Variants in SHISA9 observed in about 807,000 individuals in gnomAD.
SHISA9 encodes protein shisa-9.
In SHISA9, 13 loss-of-function variants were observed where a neutral mutation model predicts 38.0. The ratio of observed to expected loss-of-function variants is 0.34; its 90% CI spans 0.22 to 0.54. SHISA9 has a LOEUF of 0.54. Ranked by LOEUF, SHISA9 falls within the 20% of genes least tolerant of loss-of-function variation. SHISA9 has a pLI of 0.91. For missense variants in SHISA9, 538 were observed against 575.8 expected (o/e 0.93, Z 0.67); for synonymous variants, 275 against 242.0 (o/e 1.14, Z -1.27).
the SHISA9 span, among the ~76,000 whole-genome samples, chr16:13,465,501 C>T: frequency 6.6e-6 from 1 of 152,122 alleles, no homozygotes; most frequent in Non-Finnish European, 1.5e-5. Flanking sequence ...AAACAATACC[C>T]ATAAGGGCAT....
At chr16:13,182,811 A>G (rs2050789394) in intron 2 of SHISA9, among the ~76,000 whole-genome samples, 2 of 152,132 alleles carry the variant, frequency 1.3e-5, no homozygotes, top group South Asian at 4.1e-4. Flanking sequence ...TTAAAACAAC[A>G]ACAACAAAAA....
chr16:13,096,669 G>A (rs1293995569), intron 2 of SHISA9, among the ~76,000 whole-genome samples: 1 of 152,164 alleles, frequency 6.6e-6, no homozygotes, highest in Non-Finnish European at 1.5e-5. Context: ...TAACTTCTTG[G>A]AGTCAAGGCA....
At chr16:13,165,965 T>C (rs1596695045) in intron 2 of SHISA9, among the ~76,000 whole-genome samples, 1 of 152,180 alleles carries the variant, frequency 6.6e-6, no homozygotes, top group Non-Finnish European at 1.5e-5. Flanking sequence ...ACAGGTATTA[T>C]CAGCCCGAGT....
the SHISA9 span, among the ~76,000 whole-genome samples, chr16:13,322,157 C>A: frequency 2.2e-4 from 34 of 152,156 alleles, no homozygotes; most frequent in African/African-American, 7.7e-4. Flanking sequence ...CAGAAATGGC[C>A]TCGAAGGAGC....
At chr16:12,945,600 A>C (rs1165106836) in intron 2 of SHISA9, among the ~76,000 whole-genome samples, 2 of 152,212 alleles carry the variant, frequency 1.3e-5, no homozygotes, top group African/African-American at 2.4e-5. Context: ...CTGGGTTCAA[A>C]TTCAGACTCC....
downstream of SHISA9, among the ~76,000 whole-genome samples, chr16:13,242,237 A>G (rs1034417093): frequency 2.0e-5 from 3 of 152,182 alleles, no homozygotes; most frequent in Admixed American, 2.0e-4. Flanking sequence ...GGCTCTGTCA[A>G]TAGTTCTCAC....
chr16:13,303,880 C>T, the SHISA9 span, among the ~76,000 whole-genome samples: 1 of 152,160 alleles, frequency 6.6e-6, no homozygotes, highest in Non-Finnish European at 1.5e-5. Context: ...TCAATAAATG[C>T]ATTTCCCTTC....
At chr16:12,998,599 G>C (rs953772325) in intron 2 of SHISA9, among the ~76,000 whole-genome samples, 1 of 152,100 alleles carries the variant, frequency 6.6e-6, no homozygotes, top group African/African-American at 2.4e-5. Flanking sequence ...GTGCGATCGT[G>C]GCTCATGGAA....
the SHISA9 span, among the ~76,000 whole-genome samples, chr16:13,401,534 G>A: frequency 7.0e-3 from 1,063 of 152,346 alleles, 5 homozygotes; most frequent in Non-Finnish European, 0.011. Context: ...GTGAGGAAGT[G>A]ATAAAGATTA....
At chr16:13,327,345 G>A in the SHISA9 span, among the ~76,000 whole-genome samples, 1 of 152,094 alleles carries the variant, frequency 6.6e-6, no homozygotes, top group African/African-American at 2.4e-5. Flanking sequence ...GCCACGTGCG[G>A]TGTCTCATGC....
chr16:13,452,274 T>C, the SHISA9 span, among the ~76,000 whole-genome samples: 1 of 152,212 alleles, frequency 6.6e-6, no homozygotes, highest in Non-Finnish European at 1.5e-5. Context: ...TAAAATAACA[T>C]GAATTAAGTA....
intron 1 of SHISA9, among the ~76,000 whole-genome samples, chr16:12,904,038 TTGC>T (rs1411277426): frequency 6.6e-6 from 1 of 152,112 alleles, no homozygotes; most frequent in African/African-American, 2.4e-5. Flanking sequence ...TGGTGGGGTC[TTGC>T]TGCACAGAAG....
At chr16:13,365,666 C>T in the SHISA9 span, among the ~76,000 whole-genome samples, 1 of 152,006 alleles carries the variant, frequency 6.6e-6, no homozygotes, top group Non-Finnish European at 1.5e-5. Context: ...ACTATGTTGG[C>T]CAGGCTGGTC....
At chr16:13,230,928 A>C (rs1013476263) in intron 4 of SHISA9, among the ~76,000 whole-genome samples, 1 of 152,116 alleles carries the variant, frequency 6.6e-6, no homozygotes, top group Non-Finnish European at 1.5e-5. Context: ...GGATGACCAG[A>C]GGTTACTCTC....
At chr16:13,023,627 C>T (rs1258941958) in intron 2 of SHISA9, among the ~76,000 whole-genome samples, 1 of 152,236 alleles carries the variant, frequency 6.6e-6, no homozygotes, top group Non-Finnish European at 1.5e-5. Flanking sequence ...CTAATTTACA[C>T]TCCCATCAAC....
At chr16:13,335,978 T>C in the SHISA9 span, among the ~76,000 whole-genome samples, 1 of 152,252 alleles carries the variant, frequency 6.6e-6, no homozygotes, top group Non-Finnish European at 1.5e-5. Context: ...AAAGATCATG[T>C]GCCGCCTGAC....
the SHISA9 span, among the ~76,000 whole-genome samples, chr16:13,368,903 A>G: frequency 6.6e-6 from 1 of 152,322 alleles, no homozygotes; most frequent in South Asian, 2.1e-4. Flanking sequence ...TACATGTGGT[A>G]TATCATAAAA....
the SHISA9 span, among the ~76,000 whole-genome samples, chr16:13,408,617 C>T: frequency 6.6e-6 from 1 of 152,244 alleles, no homozygotes; most frequent in African/African-American, 2.4e-5. Context: ...TTTATGATTG[C>T]CATCAAACTT....
the SHISA9 span, among the ~76,000 whole-genome samples, chr16:13,472,538 C>T: frequency 4.8e-4 from 73 of 151,634 alleles, no homozygotes; most frequent in African/African-American, 1.7e-3. Flanking sequence ...ACTACAGGCA[C>T]CCGCCACCAA....
Sources: gnomAD v4.1 joint callset for allele counts (sites outside exome capture counted in the v4.1 genomes callset) on GRCh38, gnomAD v4.1.1 for gene constraint, MANE v1.5 for transcripts, NCBI Gene and HGNC (gene_info 2026-07-23, HGNC 2026-07-21) for gene names.